Variants in ZNF385D observed in about 807,000 individuals in gnomAD.
ZNF385D encodes zinc finger protein 659.
ZNF385D carries 15 observed loss-of-function variants against 35.8 expected under a neutral mutation model. That is an observed-to-expected ratio of 0.42 (90% CI 0.28 to 0.64). The LOEUF (loss-of-function observed/expected upper bound fraction) is 0.64, where lower values mean the gene tolerates loss of function less well. Among genes scored for constraint, ZNF385D ranks in the 30% least tolerant of loss-of-function variants. The probability of loss-of-function intolerance (pLI) is 0.23; values close to 1 mark genes in which losing one functional copy is unlikely to be tolerated. For synonymous variants in ZNF385D, 212 were observed against 186.8 expected (o/e 1.13, Z -1.10); for missense variants, 474 against 494.6 (o/e 0.96, Z 0.39).
intron 3 of ZNF385D, among the ~76,000 whole-genome samples, chr3:21,811,448 G>T (rs79093215): frequency 0.076 from 11,484 of 151,990 alleles, 596 homozygotes; most frequent in South Asian, 0.11. Context: ...TTCCCAAGAG[G>T]GGACAATGTT....
At chr3:21,774,163 G>T (rs2071193351) in intron 3 of ZNF385D, among the ~76,000 whole-genome samples, 1 of 151,804 alleles carries the variant, frequency 6.6e-6, no homozygotes, top group Non-Finnish European at 1.5e-5. Context: ...GCAAACTAAT[G>T]CAGGAACAGA....
chr3:21,492,772 T>A (rs1705529292), intron 4 of ZNF385D, among the ~76,000 whole-genome samples: 1 of 136,222 alleles, frequency 7.3e-6, no homozygotes, highest in South Asian at 2.3e-4. Context: ...AAGACTCTGT[T>A]TCAAAAATAA....
chr3:21,964,850 T>C (rs1002646033), intron 3 of ZNF385D, among the ~76,000 whole-genome samples: 1 of 152,026 alleles, frequency 6.6e-6, no homozygotes, highest in African/African-American at 2.4e-5. Flanking sequence ...GGTAATAATT[T>C]CTATTCTTAT....
At chr3:22,026,331 C>T (rs960357192) in intron 3 of ZNF385D, among the ~76,000 whole-genome samples, 18 of 152,088 alleles carry the variant, frequency 1.2e-4, no homozygotes, top group East Asian at 3.9e-4. Flanking sequence ...CCTACATTAC[C>T]GACAATTTAT....
In ZNF385D at chr3:21,450,192, GA is replaced by G. The variant is rs975843097; in HGVS notation, c.440-12990del. Among the ~76,000 whole-genome samples the G allele has an allele frequency of 3.4e-4, 52 of 152,276 alleles. 1 individual carries two copies. Among genetic ancestry groups the G allele is most frequent in the Middle Eastern group, 3.4e-3 (1 of 294 alleles). On this transcript the variant is annotated intron_variant, in intron 4 of 7. Coordinates refer to ENST00000281523, the MANE Select transcript of ZNF385D (RefSeq NM_024697.3). ...CCTGCACCTCCAGAGGAGAGGAGGA[GA>G]GGCAAAGAAATGGATGGTAGCTGTG...
At chr3:22,243,478 A>T (rs903687071) in intron 2 of ZNF385D, among the ~76,000 whole-genome samples, 13 of 151,196 alleles carry the variant, frequency 8.6e-5, no homozygotes, top group African/African-American at 2.9e-4. Flanking sequence ...TATACCCTAT[A>T]GCAACGAGAA....
intron 3 of ZNF385D, chr3:22,168,645 T>G (rs1467294971): frequency 4.1e-5 from 11 of 267,200 alleles, no homozygotes; most frequent in Non-Finnish European, 5.8e-5. Flanking sequence ...AAATTTCTCC[T>G]TCACTCTCAA....
At chr3:22,058,253 A>T (rs544938147) in intron 3 of ZNF385D, among the ~76,000 whole-genome samples, 1 of 152,374 alleles carries the variant, frequency 6.6e-6, no homozygotes, top group African/African-American at 2.4e-5. Context: ...TTCAAATGAT[A>T]GAGTCAACTC....
At chr3:21,621,864 A>AGTGT (rs1375391029) in intron 2 of ZNF385D, among the ~76,000 whole-genome samples, 10 of 72,454 alleles carry the variant, frequency 1.4e-4, no homozygotes, top group African/African-American at 5.4e-4. Context: ...ACCTGTTACC[A>AGTGT]CTGTGTGTGT....
intron 3 of ZNF385D, among the ~76,000 whole-genome samples, chr3:21,826,419 C>T (rs1694631150): frequency 6.6e-6 from 1 of 152,106 alleles, no homozygotes. Context: ...GTCCAATTCC[C>T]CTAGGTGACA....
At chr3:21,980,916 C>T (rs956040062) in intron 3 of ZNF385D, among the ~76,000 whole-genome samples, 9 of 152,100 alleles carry the variant, frequency 5.9e-5, no homozygotes, top group Admixed American at 1.3e-4. Flanking sequence ...TTTATGGTTG[C>T]ATAGCATTCC....
At chr3:21,977,858 CA>C (rs1487083466) in intron 3 of ZNF385D, among the ~76,000 whole-genome samples, 1 of 151,792 alleles carries the variant, frequency 6.6e-6, no homozygotes, top group Non-Finnish European at 1.5e-5. Context: ...AACAAACAAA[CA>C]AAAAAGATGA....
At chr3:22,043,522 G>A (rs1460427765) in intron 3 of ZNF385D, among the ~76,000 whole-genome samples, 2 of 151,356 alleles carry the variant, frequency 1.3e-5, no homozygotes, top group Admixed American at 6.6e-5. Flanking sequence ...AAAACAGCAA[G>A]AGCAAGTAAA....
intron 3 of ZNF385D, among the ~76,000 whole-genome samples, chr3:21,826,671 G>A (rs1177861269): frequency 6.6e-6 from 1 of 152,066 alleles, no homozygotes; most frequent in East Asian, 1.9e-4. Flanking sequence ...GGTGGTGGGG[G>A]ATACATTCCT....
In ZNF385D at chr3:21,719,818, A is replaced by C. The variant is rs143463743; in HGVS notation, c.22+31077T>G. Among the ~76,000 whole-genome samples, 10 of 152,300 alleles carry C rather than the reference A, an allele frequency of 6.6e-5. No individual in the cohort carries two copies. In the East Asian group the frequency reaches 1.9e-3, roughly 29 times the overall value. ...CCTGCAGTAAATTACTCTATGCTGC[A>C]TCTCTTTTGCTGTGTGTTTCTTGTT... On this transcript the variant is annotated intron_variant, in intron 1 of 7. Transcript: ENST00000281523.
chr3:22,236,505 T>C (rs1559470728), intron 2 of ZNF385D, among the ~76,000 whole-genome samples: 1 of 152,138 alleles, frequency 6.6e-6, no homozygotes, highest in Non-Finnish European at 1.5e-5. Context: ...GAATTGAAAA[T>C]TTTTAATTAC....
intron 3 of ZNF385D, among the ~76,000 whole-genome samples, chr3:21,757,134 T>TTTTTTTTTTTTTTTTTG (rs1553654008): frequency 7.8e-6 from 1 of 128,232 alleles, no homozygotes; most frequent in African/African-American, 2.9e-5. Context: ...TTTTTTTTTT[T>TTTTTTTTTTTTTTTTTG]TTTTTGTTTT....
chr3:21,464,743 A>AAAACACACACACACACACAC (rs1553589981), intron 4 of ZNF385D, among the ~76,000 whole-genome samples: 7 of 150,198 alleles, frequency 4.7e-5, no homozygotes, highest in African/African-American at 1.7e-4. Flanking sequence ...AATAAATTAA[A>AAAACACACACACACACACAC]ACACACACAC....
At chr3:22,019,123 T>C (rs1438529264) in intron 3 of ZNF385D, among the ~76,000 whole-genome samples, 1 of 143,840 alleles carries the variant, frequency 7.0e-6, no homozygotes, top group African/African-American at 2.5e-5. Context: ...TTTATTCCTA[T>C]ATCCTGTCTC....
Sources: gnomAD v4.1 joint callset for allele counts (sites outside exome capture counted in the v4.1 genomes callset) on GRCh38, gnomAD v4.1.1 for gene constraint, MANE v1.5 for transcripts, NCBI Gene and HGNC (gene_info 2026-07-23, HGNC 2026-07-21) for gene names.